The following KLF12 variants were observed in gnomAD, a reference collection of about 807,000 sequenced individuals.
KLF12 encodes the protein Krueppel-like factor 12.
A neutral mutation model predicts 37.8 loss-of-function variants in KLF12; 9 were observed. The ratio of observed to expected loss-of-function variants is 0.24; its 90% confidence interval spans 0.14 to 0.42. The LOEUF (loss-of-function observed/expected upper bound fraction) is 0.42. Among genes scored for constraint, KLF12 ranks in the 10% least tolerant of loss-of-function variants. The probability of loss-of-function intolerance (pLI) is 1.00; values close to 1 mark genes in which losing one functional copy is unlikely to be tolerated. For synonymous variants in KLF12, 208 were observed against 202.1 expected (o/e 1.03, Z -0.25); for missense variants, 411 against 516.0 (o/e 0.80, Z 1.97).
chr13:74,162,590 C>G, the KLF12 span, among the ~76,000 whole-genome samples: 1 of 152,176 alleles, frequency 6.6e-6, no homozygotes. Flanking sequence ...TACTTATTTT[C>G]TCTTCTCTTG....
At chr13:73,752,865 C>T (rs933790421) in intron 6 of KLF12, among the ~76,000 whole-genome samples, 6 of 151,458 alleles carry the variant, frequency 4.0e-5, no homozygotes, top group African/African-American at 1.2e-4. Context: ...TACAGGTGCC[C>T]GCCACCATCA....
chr13:74,178,381 G>T, the KLF12 span, among the ~76,000 whole-genome samples: 17 of 152,130 alleles, frequency 1.1e-4, no homozygotes, highest in Non-Finnish European at 1.5e-5. Flanking sequence ...AAAGAAATGG[G>T]TTCTTTTAAA....
At chr13:73,959,124 C>A (rs867149065) in intron 2 of KLF12, among the ~76,000 whole-genome samples, 20 of 86,886 alleles carry the variant, frequency 2.3e-4, no homozygotes, top group South Asian at 1.1e-3. Flanking sequence ...ACCCCCCTTC[C>A]AAAAAAAAAC....
At chr13:74,001,994 T>A (rs183149338) in intron 1 of KLF12, among the ~76,000 whole-genome samples, 9 of 152,362 alleles carry the variant, frequency 5.9e-5, no homozygotes, top group African/African-American at 2.2e-4. Flanking sequence ...TAATATAATT[T>A]GAAAGATCAA....
chr13:73,814,395 G>A (rs1202711495), intron 4 of KLF12, among the ~76,000 whole-genome samples: 2 of 152,174 alleles, frequency 1.3e-5, no homozygotes, highest in Non-Finnish European at 2.9e-5. Flanking sequence ...GAATTGCTGA[G>A]AATGTACCAT....
At chr13:73,740,463 C>T (rs1877893147) in intron 6 of KLF12, among the ~76,000 whole-genome samples, 1 of 152,164 alleles carries the variant, frequency 6.6e-6, no homozygotes, top group Non-Finnish European at 1.5e-5. Flanking sequence ...TAAGCATTAT[C>T]ACAGAAGATG....
chr13:73,916,346 T>C (rs556053756), intron 3 of KLF12, among the ~76,000 whole-genome samples: 1 of 152,088 alleles, frequency 6.6e-6, no homozygotes, highest in Non-Finnish European at 1.5e-5. Flanking sequence ...AATTAAAAGA[T>C]ACAGCTTTAT....
At chr13:74,226,318 A>G in the KLF12 span, among the ~76,000 whole-genome samples, 1 of 152,138 alleles carries the variant, frequency 6.6e-6, no homozygotes, top group South Asian at 2.1e-4. Context: ...GTTTGGCTAG[A>G]CAGTTCCAGG....
At chr13:74,192,838 C>T in the KLF12 span, among the ~76,000 whole-genome samples, 1 of 152,274 alleles carries the variant, frequency 6.6e-6, no homozygotes, top group Non-Finnish European at 1.5e-5. Flanking sequence ...ATGAATTATG[C>T]TGGCTTAGTG....
intron 1 of KLF12, among the ~76,000 whole-genome samples, chr13:74,016,575 C>A (rs1892693446): frequency 6.6e-6 from 1 of 152,094 alleles, no homozygotes; most frequent in Non-Finnish European, 1.5e-5. Flanking sequence ...GTTGCCCATA[C>A]TGGTCTTGAC....
At chr13:73,986,878 T>C (rs1440476098) in intron 2 of KLF12, among the ~76,000 whole-genome samples, 1 of 152,062 alleles carries the variant, frequency 6.6e-6, no homozygotes, top group Non-Finnish European at 1.5e-5. Context: ...CCCAATACTT[T>C]GAGTTTAGCC....
intron 6 of KLF12, among the ~76,000 whole-genome samples, chr13:73,723,819 A>G (rs967023939): frequency 2.6e-5 from 4 of 152,246 alleles, no homozygotes; most frequent in Non-Finnish European, 5.9e-5. Context: ...TGGTCATTAG[A>G]GAAATGCAAA....
intron 1 of KLF12, among the ~76,000 whole-genome samples, chr13:74,039,705 A>G (rs923856522): frequency 4.6e-5 from 7 of 152,250 alleles, no homozygotes. Flanking sequence ...TGAAATATCA[A>G]TGTTATATTT....
chr13:73,714,726 G>C (rs934656457), intron 7 of KLF12, among the ~76,000 whole-genome samples: 17 of 152,130 alleles, frequency 1.1e-4, no homozygotes, highest in African/African-American at 3.9e-4. Context: ...GGATGGGGTG[G>C]GCAGGGGCTA....
chr13:73,963,043 G>T (rs1891066253), intron 2 of KLF12, among the ~76,000 whole-genome samples: 1 of 152,062 alleles, frequency 6.6e-6, no homozygotes, highest in South Asian at 2.1e-4. Context: ...GAAGGGATTG[G>T]TTAATAATTT....
intron 5 of KLF12, among the ~76,000 whole-genome samples, chr13:73,771,108 T>A (rs1249531377): frequency 3.9e-5 from 6 of 152,170 alleles, no homozygotes; most frequent in Non-Finnish European, 7.4e-5. Context: ...GATGCTCAAC[T>A]GTAAGATGCC....
At chr13:73,814,572 C>A (rs1348408432) in intron 4 of KLF12, among the ~76,000 whole-genome samples, 1 of 152,178 alleles carries the variant, frequency 6.6e-6, no homozygotes, top group African/African-American at 2.4e-5. Flanking sequence ...GTATTTGATA[C>A]ACATCCTGAC....
At chr13:74,078,503 GTTAC>G (rs1012385021) in intron 1 of KLF12, among the ~76,000 whole-genome samples, 2 of 152,098 alleles carry the variant, frequency 1.3e-5, no homozygotes, top group African/African-American at 4.8e-5. Flanking sequence ...ATTTAACACT[GTTAC>G]TTAATTAAAT....
the KLF12 span, among the ~76,000 whole-genome samples, chr13:74,276,747 A>G: frequency 6.6e-6 from 1 of 152,194 alleles, no homozygotes; most frequent in Non-Finnish European, 1.5e-5. Flanking sequence ...AGCCAAACCC[A>G]TCTGTCAGGC....
Sources: gnomAD v4.1 joint callset for allele counts (sites outside exome capture counted in the v4.1 genomes callset) on GRCh38, gnomAD v4.1.1 for gene constraint, MANE v1.5 for transcripts, NCBI Gene and HGNC (gene_info 2026-07-23, HGNC 2026-07-21) for gene names.